The following IPP variants were observed in gnomAD, a reference collection of about 807,000 sequenced individuals.
The protein encoded by IPP is intracisternal A particle-promoted polypeptide, also known as actin-binding protein IPP.
Under a neutral mutation model 64.1 loss-of-function variants are expected in IPP, and 41 were observed. The ratio of observed to expected loss-of-function variants is 0.64; its 90% CI spans 0.50 to 0.83. The LOEUF (loss-of-function observed/expected upper bound fraction) is 0.83, where lower values mean the gene tolerates loss of function less well. Among genes scored for constraint, IPP ranks in the 40% least tolerant of loss-of-function variants. The pLI, the probability that IPP is intolerant of heterozygous loss-of-function variation, is 0.00. For missense variants in IPP, 649 were observed against 703.0 expected (o/e 0.92, Z 0.87); for synonymous variants, 214 against 235.2 (o/e 0.91, Z 0.83).
At chr1:45,695,911 C>A (rs544502343), downstream of IPP, among the ~76,000 whole-genome samples, 1 of 152,284 alleles carries the variant, frequency 6.6e-6, no homozygotes, top group East Asian at 1.9e-4. Context: ...TCAGGTGACC[C>A]ACCCACCTTG....
chr1:45,727,776 C>T lies in IPP; in HGVS notation c.903G>A (p.Gly301=). 1.3e-6 allele frequency: 2 copies of T among 1,562,652 alleles called. No individual in the cohort carries two copies. The highest frequency in any genetic ancestry group is 1.7e-6 in the Non-Finnish European group (2 of 1,143,088). ...GGGCTCTGCTATCACTCCAGCGACC[C>T]CCCTGCAACCGAGTATATCCACCTA... ...YAVGGYTRLQ[G]GRWSDSRALS... The change falls in exon 5 of 9, where the codon GGG becomes GGA. Residue 301 remains glycine, a synonymous_variant. Transcript: ENST00000396478.
intron 2 of IPP, among the ~76,000 whole-genome samples, chr1:45,743,018 A>G (rs1646086652): frequency 6.6e-6 from 1 of 151,856 alleles, no homozygotes; most frequent in Non-Finnish European, 1.5e-5. Context: ...GCCCACTACA[A>G]CCAACACCTC....
intron 7 of IPP, 118 bp from the exon 8 acceptor site, chr1:45,714,584 A>G: frequency 4.5e-6 from 3 of 662,206 alleles, no homozygotes; most frequent in East Asian, 5.4e-5. Flanking sequence ...TAGGGCTTAC[A>G]TTATTATTTA....
At chr1:45,707,961 G>A (rs370275269) in intron 8 of IPP, among the ~76,000 whole-genome samples, 2 of 151,930 alleles carry the variant, frequency 1.3e-5, no homozygotes, top group Non-Finnish European at 2.9e-5. Flanking sequence ...GAAAAAACAC[G>A]TTACATATGG....
Position 45,714,344 on chromosome 1 carries a change from G to A in IPP, c.1432C>T (p.Leu478Phe). The A allele has an allele frequency of 1.9e-6, 3 of 1,614,068 alleles. No homozygotes were observed. Among genetic ancestry groups the A allele is most frequent in the Non-Finnish European group, 2.5e-6 (3 of 1,179,920 alleles). Residue 478 changes from leucine (L) to phenylalanine (F), a missense_variant, in exon 8 of 9, where the codon CTT (leucine) becomes TTT (phenylalanine). Coordinates refer to ENST00000396478, the MANE Select transcript of IPP (RefSeq NM_005897.3). ...LPPMGTRRAY[L>F]GVAALNDCIY... ...CAGTCATTGAGTGCAGCCACACCAA[G>A]ATATGCTCTCCTGGTTCCCATTGGA...
At chr1:45,731,446 AAACAG>A (rs1401887613) in intron 3 of IPP, among the ~76,000 whole-genome samples, 1 of 152,206 alleles carries the variant, frequency 6.6e-6, no homozygotes, top group Non-Finnish European at 1.5e-5. Flanking sequence ...TCTCAAAACA[AAACAG>A]AACAAAGGTG....
downstream of IPP, among the ~76,000 whole-genome samples, chr1:45,695,981 A>G (rs1645385096): frequency 6.6e-6 from 1 of 152,144 alleles, no homozygotes; most frequent in African/African-American, 2.4e-5. Flanking sequence ...TATATTTTTT[A>G]GAGATGATGT....
intron 8 of IPP, among the ~76,000 whole-genome samples, chr1:45,704,426 T>C (rs28361459): frequency 0.29 from 43,496 of 151,814 alleles, 6,367 homozygotes; most frequent in South Asian, 0.37. Flanking sequence ...TTAGTAGAGA[T>C]GGGGTTTCAC....
chr1:45,743,411 C>T (rs1281612650), intron 2 of IPP, among the ~76,000 whole-genome samples: 2 of 136,576 alleles, frequency 1.5e-5, no homozygotes, highest in Non-Finnish European at 3.3e-5. Context: ...CAAGACTCCG[C>T]CTCAAAAAAA....
At chr1:45,727,265 G>A (rs552996022) in intron 5 of IPP, among the ~76,000 whole-genome samples, 66 of 152,124 alleles carry the variant, frequency 4.3e-4, no homozygotes, top group African/African-American at 1.5e-3. Context: ...GCCCAGGCTG[G>A]TCTCAAACTC....
In IPP at chr1:45,699,888, C is replaced by T; in HGVS notation, c.*78G>A. 6.4e-7 allele frequency: 1 copy of T among 1,563,212 alleles called. No homozygotes were observed. Among genetic ancestry groups the T allele is most frequent in the South Asian group, 1.2e-5 (1 of 82,584 alleles). ...CTCACAGAATCAGAGGGTCTTATCA[C>T]CAAATCTATGTTTGCTTTGCAAAAG... On this transcript the variant is annotated 3_prime_UTR_variant, in exon 9 of 9. Transcript: ENST00000396478.
intron 8 of IPP, 144 bp downstream of exon 8, chr1:45,714,102 C>A: frequency 3.5e-6 from 2 of 564,084 alleles, no homozygotes; most frequent in South Asian, 5.3e-5. Context: ...GCAGTGACAC[C>A]AAAAGTTTCT....
chr1:45,711,291 A>G (rs569745762), intron 8 of IPP, among the ~76,000 whole-genome samples: 6 of 152,210 alleles, frequency 3.9e-5, no homozygotes, highest in Non-Finnish European at 5.9e-5. Context: ...TAGTGAGCCA[A>G]GATCACGCCA....
intron 8 of IPP, among the ~76,000 whole-genome samples, chr1:45,711,696 G>A (rs1383630838): frequency 6.6e-6 from 1 of 151,470 alleles, no homozygotes; most frequent in Non-Finnish European, 1.5e-5. Context: ...AGAGGTTGCA[G>A]TGAGCTCTGA....
At chr1:45,698,358 ATAACT>A (rs1472953787), downstream of IPP, among the ~76,000 whole-genome samples, 3 of 152,208 alleles carry the variant, frequency 2.0e-5, no homozygotes, top group Admixed American at 6.5e-5. Context: ...GCCAGTAGAA[ATAACT>A]TAAAAGTAAC....
intron 8 of IPP, among the ~76,000 whole-genome samples, chr1:45,700,737 G>A (rs1202137601): frequency 6.6e-6 from 1 of 152,182 alleles, no homozygotes; most frequent in Non-Finnish European, 1.5e-5. Flanking sequence ...ATCAGGAAAT[G>A]ACCTAGAACT....
At position 45,717,000 on chromosome 1, in the gene IPP, C is replaced by G; in HGVS notation, c.1204G>C (p.Glu402Gln). The G allele has an allele frequency of 1.2e-6, 2 of 1,612,162 alleles. No homozygotes were observed. The highest frequency in any genetic ancestry group is 1.7e-6 in the Non-Finnish European group (2 of 1,179,394). ...IYALGGWVGA[E>Q]IGNTIERFDP... ...AATCGTTCAATGGTGTTCCCTATCT[C>G]AGCTCCAACCCATCCACCTGTAATG... Residue 402 changes from glutamate to glutamine, a missense_variant, in exon 7 of 9, where the codon GAG becomes CAG. By Grantham distance (29) the Glu-to-Gln change is conservative. Coordinates refer to ENST00000396478, the MANE Select transcript of IPP (RefSeq NM_005897.3).
chr1:45,705,391 G>A (rs1418376141), intron 8 of IPP, among the ~76,000 whole-genome samples: 1 of 152,190 alleles, frequency 6.6e-6, no homozygotes, highest in Admixed American at 6.6e-5. Context: ...ATGAATGACA[G>A]TAATGTATCA....
At position 45,746,483 on chromosome 1, in the gene IPP, G is replaced by T. The variant is rs543837982; in HGVS notation, c.-50-22C>A. On this transcript the variant is annotated intron_variant, in intron 1 of 8. Transcript: ENST00000396478. The stretch of plus-strand genomic sequence containing the variant: ...TACCCTGAAAAACAAAATACAAAGA[G>T]ATCAAGCAACAAAATTTTTTTAACA... 26 of 1,259,790 alleles carry T rather than the reference G, an allele frequency of 2.1e-5. No individual in the cohort carries two copies. The African/African-American group carries it at 3.6e-4, about 17-fold the overall frequency. 78.0% of individuals were successfully genotyped at this position (1,259,790 alleles called of 1,614,324 possible).
Sources: allele counts gnomAD v4.1 joint callset (sites outside exome capture counted in the v4.1 genomes callset), GRCh38; gene constraint gnomAD v4.1.1; transcripts MANE v1.5; gene names NCBI Gene and HGNC (gene_info 2026-07-23, HGNC 2026-07-21).